The following ATG5 variants were observed in gnomAD, a reference collection of about 807,000 sequenced individuals.
ATG5 encodes the protein autophagy protein 5.
A neutral mutation model predicts 36.5 loss-of-function variants in ATG5; 14 were observed. That is an observed-to-expected ratio of 0.38 (90% CI 0.25 to 0.60). The LOEUF is 0.60. ATG5 is among the 20% of genes least tolerant of loss of function. The pLI, the probability that ATG5 is intolerant of heterozygous loss-of-function variation, is 0.60. For synonymous variants in ATG5, 95 were observed against 101.5 expected (o/e 0.94, Z 0.38); for missense variants, 195 against 326.7 (o/e 0.60, Z 3.11).
chr6:106,273,245 C>T (rs926991168), intron 5 of ATG5, among the ~76,000 whole-genome samples: 2 of 152,124 alleles, frequency 1.3e-5, no homozygotes, highest in Non-Finnish European at 2.9e-5. Flanking sequence ...AAATTAAAGA[C>T]TCAAAATAGA....
At chr6:106,201,894 G>C (rs1776444269) in intron 7 of ATG5, 78 bp downstream of exon 7, 1 of 1,088,006 alleles carries the variant, frequency 9.2e-7, no homozygotes, top group Non-Finnish European at 1.3e-6. Context: ...ATAACCTGTT[G>C]TTTATAAATG....
At chr6:106,226,979 T>C (rs1282470374) in intron 6 of ATG5, among the ~76,000 whole-genome samples, 1 of 151,828 alleles carries the variant, frequency 6.6e-6, no homozygotes, top group Non-Finnish European at 1.5e-5. Context: ...CCATCAGGCA[T>C]ACCAATATAC....
intron 6 of ATG5, among the ~76,000 whole-genome samples, chr6:106,229,089 G>T (rs1055396132): frequency 6.6e-6 from 1 of 152,226 alleles, no homozygotes; most frequent in Admixed American, 6.5e-5. Flanking sequence ...TGAAAGTGTA[G>T]CCCCAAAATT....
At chr6:106,267,309 AACTACAAACC>A (rs953180986) in intron 5 of ATG5, among the ~76,000 whole-genome samples, 5 of 152,224 alleles carry the variant, frequency 3.3e-5, no homozygotes, top group African/African-American at 1.2e-4. Context: ...CCTCTTCAAG[AACTACAAACC>A]ACTGCTCAAG....
intron 6 of ATG5, among the ~76,000 whole-genome samples, chr6:106,226,665 G>A: frequency 6.6e-6 from 1 of 152,270 alleles, no homozygotes; most frequent in East Asian, 1.9e-4. Context: ...CAGAATCATA[G>A]AGTATATTCT....
chr6:106,218,745 T>C (rs988493243), intron 6 of ATG5, among the ~76,000 whole-genome samples: 5 of 152,194 alleles, frequency 3.3e-5, no homozygotes, highest in Admixed American at 2.6e-4. Flanking sequence ...TAAGTTACTT[T>C]AAACATGTAT....
At position 106,233,708 on chromosome 6, in the gene ATG5, T is replaced by C. The variant is rs534036651; in HGVS notation, c.573+14442A>G. The stretch of plus-strand genomic sequence containing the variant: ...ATAACGTGAACGGCATACTCACTGC[T>C]AAAGGAGACTTGTGGCTGTCAGACA... On this transcript the variant is annotated intron_variant, in intron 6 of 7. Transcript: ENST00000369076. Among the ~76,000 whole-genome samples the C allele has an allele frequency of 2.6e-5, 4 of 152,284 alleles. No homozygotes were observed. The East Asian group carries it at 7.7e-4, about 29-fold the overall frequency.
chr6:106,297,508 C>T (rs1261566662), intron 3 of ATG5, among the ~76,000 whole-genome samples: 8 of 152,016 alleles, frequency 5.3e-5, no homozygotes, highest in Admixed American at 5.2e-4. Context: ...AAACTAGAAC[C>T]TCTCAGAGGT....
intron 3 of ATG5, among the ~76,000 whole-genome samples, chr6:106,300,528 G>A (rs956806341): frequency 3.3e-5 from 5 of 151,994 alleles, no homozygotes; most frequent in African/African-American, 4.8e-5. Flanking sequence ...GATATGTTCC[G>A]AGAAATGCAT....
At chr6:106,278,610 A>AT (rs1779751717) in intron 5 of ATG5, among the ~76,000 whole-genome samples, 2 of 152,214 alleles carry the variant, frequency 1.3e-5, no homozygotes, top group Admixed American at 1.3e-4. Context: ...TTCCAAAGTC[A>AT]GCTATTGCTT....
At chr6:106,253,316 G>A (rs1028077205) in intron 5 of ATG5, among the ~76,000 whole-genome samples, 18 of 152,172 alleles carry the variant, frequency 1.2e-4, no homozygotes, top group South Asian at 2.1e-4. Context: ...TAGCCTCTGC[G>A]TCAGGGCTGA....
At chr6:106,249,842 G>A (rs909314974) in intron 5 of ATG5, among the ~76,000 whole-genome samples, 2 of 152,136 alleles carry the variant, frequency 1.3e-5, no homozygotes, top group African/African-American at 4.8e-5. Flanking sequence ...GTTTTGATTT[G>A]CATTTCCTTA....
intron 4 of ATG5, among the ~76,000 whole-genome samples, chr6:106,283,125 T>G (rs1038232482): frequency 6.6e-6 from 1 of 152,266 alleles, no homozygotes; most frequent in East Asian, 1.9e-4. Flanking sequence ...GAATCAATTT[T>G]GTACTCCTAG....
intron 5 of ATG5, among the ~76,000 whole-genome samples, chr6:106,262,141 C>T (rs757249603): frequency 3.3e-5 from 5 of 152,190 alleles, no homozygotes; most frequent in African/African-American, 7.2e-5. Flanking sequence ...GGCACCATCT[C>T]GACTCACTTC....
chr6:106,255,138 G>A (rs929565571), intron 5 of ATG5, among the ~76,000 whole-genome samples: 3 of 152,216 alleles, frequency 2.0e-5, no homozygotes, highest in African/African-American at 7.2e-5. Flanking sequence ...AATAAGAATG[G>A]TGGTCCAAGA....
chr6:106,259,924 C>T (rs535592680), intron 5 of ATG5, among the ~76,000 whole-genome samples: 1 of 152,282 alleles, frequency 6.6e-6, no homozygotes, highest in Non-Finnish European at 1.5e-5. Context: ...GAATACTATG[C>T]AGCCATAAAA....
At chr6:106,200,883 T>TAC (rs34936565) in intron 7 of ATG5, among the ~76,000 whole-genome samples, 28,164 of 151,400 alleles carry the variant, frequency 0.19, 2,768 homozygotes, top group East Asian at 0.3. Context: ...CAGGACATTT[T>TAC]ACACACACAC....
chr6:106,202,909 G>A (rs926912335), intron 6 of ATG5, among the ~76,000 whole-genome samples: 5 of 152,072 alleles, frequency 3.3e-5, no homozygotes, highest in Admixed American at 1.3e-4. Context: ...GCAATCTGCC[G>A]GCTTCGGCCT....
At chr6:106,257,318 T>C (rs941277839) in intron 5 of ATG5, among the ~76,000 whole-genome samples, 1 of 152,194 alleles carries the variant, frequency 6.6e-6, no homozygotes, top group Non-Finnish European at 1.5e-5. Context: ...AATAGTAACA[T>C]AGTCGTTTAT....
Sources: allele counts gnomAD v4.1 joint callset (sites outside exome capture counted in the v4.1 genomes callset), GRCh38; gene constraint gnomAD v4.1.1; transcripts MANE v1.5; gene names NCBI Gene and HGNC (gene_info 2026-07-23, HGNC 2026-07-21).